FCN2: variants seen among roughly 807,000 people sequenced by gnomAD.
FCN2 encodes the protein ficolin-2.
In FCN2, 31 loss-of-function variants were observed where a neutral mutation model predicts 32.5. The ratio of observed to expected loss-of-function variants is 0.96; its 90% CI spans 0.72 to 1.29. The LOEUF (loss-of-function observed/expected upper bound fraction) is 1.29, where lower values mean the gene tolerates loss of function less well. Among genes scored for constraint, FCN2 ranks in the 50% most tolerant of loss-of-function variants. FCN2 has a pLI of 0.00. For synonymous variants in FCN2, 181 were observed against 164.5 expected, an observed-to-expected ratio of 1.10 and a Z score of -0.77; for missense variants, 412 against 406.5, an observed-to-expected ratio of 1.01 and a Z score of -0.12.
the FCN2 span, among the ~76,000 whole-genome samples, chr9:134,867,760 G>A: frequency 6.6e-6 from 1 of 151,606 alleles, no homozygotes; most frequent in Non-Finnish European, 1.5e-5. Context: ...CCTCTCCAGA[G>A]GACCTAGAAA....
chr9:134,871,874 C>T, the FCN2 span, among the ~76,000 whole-genome samples: 1 of 152,170 alleles, frequency 6.6e-6, no homozygotes, highest in Non-Finnish European at 1.5e-5. Flanking sequence ...GAAACCAGCA[C>T]CACAATTGAG....
chr9:134,883,818 C>T (rs1043817841), intron 3 of FCN2, among the ~76,000 whole-genome samples: 5 of 71,640 alleles, frequency 7.0e-5, no homozygotes, highest in Middle Eastern at 0.014. Context: ...TCTGATTATT[C>T]GGGGAGGGAC....
chr9:134,871,026 A>G, the FCN2 span, among the ~76,000 whole-genome samples: 66,065 of 152,056 alleles, frequency 0.43, 16,522 homozygotes, highest in African/African-American at 0.68. Flanking sequence ...ACAGCCCCTC[A>G]GGTTTTGGTT....
At chr9:134,866,526 C>T in the FCN2 span, among the ~76,000 whole-genome samples, 1 of 149,572 alleles carries the variant, frequency 6.7e-6, no homozygotes, top group East Asian at 2.0e-4. Context: ...GACCTAAAAC[C>T]ATAAAAACCC....
intron 4 of FCN2, 60 bp from the exon 5 acceptor site, chr9:134,885,179 A>G: frequency 1.2e-6 from 2 of 1,610,442 alleles, no homozygotes; most frequent in South Asian, 1.1e-5. Context: ...CCTCCCTCCT[A>G]CTGCCTGTGC....
At chr9:134,883,188 T>C in intron 2 of FCN2, 114 bp from the exon 3 acceptor site, 2 of 934,960 alleles carry the variant, frequency 2.1e-6, no homozygotes, top group Non-Finnish European at 3.5e-6. Flanking sequence ...AGTCACGTCG[T>C]AGCACGAGCA....
At chr9:134,873,419 T>A in the FCN2 span, among the ~76,000 whole-genome samples, 1 of 152,188 alleles carries the variant, frequency 6.6e-6, no homozygotes, top group Non-Finnish European at 1.5e-5. Context: ...CCTCCCTTCA[T>A]CTGCAAAGAG....
chr9:134,866,437 T>A, the FCN2 span, among the ~76,000 whole-genome samples: 2 of 149,126 alleles, frequency 1.3e-5, no homozygotes, highest in African/African-American at 4.9e-5. Flanking sequence ...GCTAGCCATA[T>A]GTAGAAAGCT....
intron 1 of FCN2, among the ~76,000 whole-genome samples, chr9:134,881,489 C>T (rs1830663190): frequency 6.6e-6 from 1 of 152,174 alleles, no homozygotes; most frequent in Non-Finnish European, 1.5e-5. Flanking sequence ...CGAGGGGACA[C>T]TCGGGTGCCA....
rs17514136 is a variant in FCN2, at chr9:134,880,818, A to C, written c.-4A>C. 2 of 1,611,154 alleles carry C rather than the reference A, an allele frequency of 1.2e-6. No homozygotes were observed. The highest frequency in any genetic ancestry group is 8.5e-7 in the Non-Finnish European group (1 of 1,177,916). ...GGCACCTTTTGAAGCAAAGACCAGA[A>C]GAGATGGAGCTGGACAGAGCTGTGG... On this transcript the variant is annotated 5_prime_UTR_variant, in exon 1 of 8. Coordinates refer to ENST00000291744, the MANE Select transcript of FCN2 (RefSeq NM_004108.3).
intron 4 of FCN2, 40 bp from the exon 5 acceptor site, chr9:134,885,199 G>C: frequency 6.2e-7 from 1 of 1,613,586 alleles, no homozygotes; most frequent in Admixed American, 1.7e-5. Context: ...CCCTGCCCAG[G>C]GCTCCTGTCC....
At chr9:134,884,301 A>C (rs765785510) in intron 3 of FCN2, among the ~76,000 whole-genome samples, 1 of 152,096 alleles carries the variant, frequency 6.6e-6, no homozygotes, top group Non-Finnish European at 1.5e-5. Flanking sequence ...CCCTACACTC[A>C]CCAAACCCCA....
At chr9:134,877,150 T>C (rs1047692700), upstream of FCN2, among the ~76,000 whole-genome samples, 4 of 152,222 alleles carry the variant, frequency 2.6e-5, no homozygotes, top group African/African-American at 9.6e-5. Context: ...TCTGCACTTG[T>C]TCATTATTAT....
Position 134,887,458 on chromosome 9 carries a change from GT to G in FCN2, c.*45del, listed in dbSNP as rs113204016. 21 of 1,599,106 alleles carry G rather than the reference GT, an allele frequency of 1.3e-5. No individual in the cohort carries two copies. Among genetic ancestry groups the G allele is most frequent in the Admixed American group, 3.3e-5 (2 of 59,756 alleles). On this transcript the variant is annotated 3_prime_UTR_variant, in exon 8 of 8. Coordinates refer to ENST00000291744, the MANE Select transcript of FCN2 (RefSeq NM_004108.3). ...GTCAGGACGCCTCCACACATAGTTG[GT>G]TGGGGGGTAGGGTTGGGAGCTTGGC...
At chr9:134,886,105 G>A (rs186270703) in intron 6 of FCN2, among the ~76,000 whole-genome samples, 353 of 152,300 alleles carry the variant, frequency 2.3e-3, no homozygotes, top group Middle Eastern at 0.01. Flanking sequence ...AGAGCTCTGG[G>A]ATGAAGGCCT....
chr9:134,885,625 G>T, intron 5 of FCN2, 143 bp from the exon 6 acceptor site: 5 of 1,201,614 alleles, frequency 4.2e-6, no homozygotes, highest in Non-Finnish European at 4.7e-6. Context: ...TGTGGAGTCT[G>T]TGAGGAGAAC....
upstream of FCN2, among the ~76,000 whole-genome samples, chr9:134,877,321 G>A (rs570803090): frequency 4.6e-5 from 7 of 152,160 alleles, no homozygotes; most frequent in Non-Finnish European, 1.0e-4. Flanking sequence ...CATGCAAACT[G>A]TATTTTACTG....
the FCN2 span, among the ~76,000 whole-genome samples, chr9:134,871,373 TG>T: frequency 6.6e-6 from 1 of 152,164 alleles, no homozygotes; most frequent in Non-Finnish European, 1.5e-5. Flanking sequence ...GACAGTTGGA[TG>T]GGGGGCTCAT....
At chr9:134,881,739 C>T (rs1830667302) in intron 1 of FCN2, among the ~76,000 whole-genome samples, 1 of 152,170 alleles carries the variant, frequency 6.6e-6, no homozygotes, top group Admixed American at 6.5e-5. Context: ...AGGCCAGGAA[C>T]AGCGGGGATT....
Sources: gnomAD v4.1 joint callset for allele counts (sites outside exome capture counted in the v4.1 genomes callset) on GRCh38, gnomAD v4.1.1 for gene constraint, MANE v1.5 for transcripts, NCBI Gene and HGNC (gene_info 2026-07-23, HGNC 2026-07-21) for gene names.